Variants in STAT5B observed in about 807,000 individuals in gnomAD.
STAT5B encodes transcription factor STAT5B.
A neutral mutation model predicts 107.8 loss-of-function variants in STAT5B; 21 were observed. The ratio of observed to expected loss-of-function variants is 0.19; its 90% confidence interval spans 0.14 to 0.28. STAT5B has a LOEUF of 0.28. Ranked by LOEUF, STAT5B falls within the 10% of genes least tolerant of loss-of-function variation. The pLI is 1.00. For synonymous variants in STAT5B, 325 were observed against 401.7 expected, an observed-to-expected ratio of 0.81 and a Z score of 2.28; for missense variants, 565 against 1,008.2, an observed-to-expected ratio of 0.56 and a Z score of 5.95.
chr17:42,261,330 AAT>A (rs2080594714), intron 1 of STAT5B, among the ~76,000 whole-genome samples: 1 of 152,236 alleles, frequency 6.6e-6, no homozygotes, highest in Non-Finnish European at 1.5e-5. Context: ...CATATTGAAC[AAT>A]ATATGTTTAT....
At chr17:42,207,755 T>C in intron 15 of STAT5B, 27 bp from the exon 16 acceptor site, 1 of 1,613,156 alleles carries the variant, frequency 6.2e-7, no homozygotes, top group African/African-American at 1.3e-5. Flanking sequence ...AACAATCACA[T>C]TCTAAACATG....
the STAT5B span, chr17:42,287,429 G>A: frequency 2.6e-5 from 4 of 152,218 alleles, no homozygotes; most frequent in South Asian, 2.1e-4. Context: ...GCCAGGCAGA[G>A]GGGAGGCCCA....
chr17:42,202,486 G>A, intron 17 of STAT5B, 39 bp from the exon 18 acceptor site: 1 of 1,608,462 alleles, frequency 6.2e-7, no homozygotes, highest in Non-Finnish European at 8.5e-7. Flanking sequence ...CTGCCAGGGA[G>A]GCCAGGGCAG....
Position 42,218,482 on chromosome 17 carries a change from G to C in STAT5B, c.990-152C>G, listed in dbSNP as rs1480572962. On this transcript the variant is annotated intron_variant, in intron 8 of 18. Transcript: ENST00000293328. ...CTCTGTTCCTGGGGAAGCCGTGAGA[G>C]TCCAGGGAGAGGATGGAGAGGGGAG... 3 of 1,412,394 alleles carry C rather than the reference G, an allele frequency of 2.1e-6. No homozygotes were observed. The African/African-American group carries it at 4.3e-5, about 20-fold the overall frequency. 87.5% of individuals were successfully genotyped at this position (1,412,394 alleles called of 1,614,324 possible).
chr17:42,270,994 T>C (rs1598344351), intron 1 of STAT5B: 1 of 152,242 alleles, frequency 6.6e-6, no homozygotes, highest in East Asian at 1.9e-4. Flanking sequence ...GTTGGAACAT[T>C]TTCTCAAACT....
At position 42,249,721 on chromosome 17, in the gene STAT5B, C is replaced by T. The variant is rs541236249; in HGVS notation, c.-10-17584G>A. 1.3e-3 allele frequency among the ~76,000 whole-genome samples: 203 copies of T among 152,062 alleles called. 2 individuals are homozygous for T. The highest frequency in any genetic ancestry group is 1.2e-3 in the Non-Finnish European group (82 of 67,966). ...TGTCACCCATGCTGGAGTGCAGTGG[C>T]GTGATCTCAGCTCCCTGCAACCTCT... On this transcript the variant is annotated intron_variant, in intron 1 of 18. Coordinates refer to ENST00000293328, the MANE Select transcript of STAT5B (RefSeq NM_012448.4).
intron 1 of STAT5B, among the ~76,000 whole-genome samples, chr17:42,233,340 C>T (rs1026847720): frequency 1.3e-5 from 2 of 152,176 alleles, no homozygotes; most frequent in African/African-American, 2.4e-5. Flanking sequence ...GAAAAATGCC[C>T]GAAGGTTCAC....
rs1785500535 is a variant in STAT5B at position 42,205,257 on chromosome 17, C to T, written c.2077+2301G>A. ...TGTTGGCCAGGCTGGTCTCAAACTCCTGACCTCAAGTGATCCACCTGCCTT... is the reference window on the plus strand; with the variant it reads ...TGTTGGCCAGGCTGGTCTCAAACTCTTGACCTCAAGTGATCCACCTGCCTT... On this transcript the variant is annotated intron_variant, in intron 16 of 18. Coordinates refer to ENST00000293328, the MANE Select transcript of STAT5B (RefSeq NM_012448.4). 2.0e-5 allele frequency among the ~76,000 whole-genome samples: 3 copies of T among 152,086 alleles called. No individual in the cohort carries two copies. In the South Asian group the frequency reaches 6.2e-4, roughly 31 times the overall value.
intron 18 of STAT5B, chr17:42,202,098 T>C (rs2080049176): frequency 6.2e-6 from 4 of 641,698 alleles, no homozygotes; most frequent in South Asian, 5.8e-5. Context: ...ACTCAGTCCT[T>C]AGAGCAAGAA....
At chr17:42,279,985 G>C (rs2080789046), upstream of STAT5B, among the ~76,000 whole-genome samples, 1 of 152,044 alleles carries the variant, frequency 6.6e-6, no homozygotes, top group African/African-American at 2.4e-5. Context: ...TGTCATCCTG[G>C]GATGGGAAGG....
At chr17:42,202,015 T>C (rs1023619630) in intron 18 of STAT5B, 151 bp from the exon 19 acceptor site, 2 of 740,766 alleles carry the variant, frequency 2.7e-6, no homozygotes, top group Non-Finnish European at 4.6e-6. Context: ...AACAGCTGGC[T>C]GTACAGCAAC....
At chr17:42,222,111 G>C (rs951987248) in intron 5 of STAT5B, among the ~76,000 whole-genome samples, 1 of 144,238 alleles carries the variant, frequency 6.9e-6, no homozygotes, top group South Asian at 2.3e-4. Flanking sequence ...GTGTGTCTCT[G>C]TGTGCTGTGG....
chr17:42,276,400 T>TCCCGCCGGGG (rs1386129725), upstream of STAT5B: 2 of 146,148 alleles, frequency 1.4e-5, no homozygotes, highest in Non-Finnish European at 3.0e-5. This position sits in a 1 kb window ranked among gnomAD's most constrained non-coding sequence, Gnocchi z 4.8. Context: ...CCGACTCTCC[T>TCCCGCCGGGG]CCCGCCGGGG....
At chr17:42,221,993 T>C (rs2080231084) in intron 5 of STAT5B, among the ~76,000 whole-genome samples, 1 of 128,652 alleles carries the variant, frequency 7.8e-6, no homozygotes, top group African/African-American at 3.0e-5. Context: ...CTGTGTGTGG[T>C]GTGGTGTGTG....
At chr17:42,264,412 G>T (rs1484045657) in intron 1 of STAT5B, among the ~76,000 whole-genome samples, 1 of 135,390 alleles carries the variant, frequency 7.4e-6, no homozygotes, top group Non-Finnish European at 1.5e-5. Flanking sequence ...CTGTGTCCAT[G>T]TGTTCCCATT....
At chr17:42,221,960 GTGC>G (rs2080230288) in intron 5 of STAT5B, among the ~76,000 whole-genome samples, 1 of 147,908 alleles carries the variant, frequency 6.8e-6, no homozygotes, top group South Asian at 2.2e-4. Context: ...GTGTGTGTGT[GTGC>G]TATGTGTGGT....
chr17:42,226,763 G>A (rs563667699), intron 3 of STAT5B, among the ~76,000 whole-genome samples: 17 of 141,388 alleles, frequency 1.2e-4, no homozygotes, highest in African/African-American at 3.7e-4. Context: ...AGCCGAGACC[G>A]CGCCACTGCA....
At chr17:42,283,749 C>T in the STAT5B span, among the ~76,000 whole-genome samples, 1 of 152,232 alleles carries the variant, frequency 6.6e-6, no homozygotes, top group African/African-American at 2.4e-5. Context: ...CATATAAACA[C>T]ACACCCTCCC....
Position 42,200,133 on chromosome 17 carries a change from T to TA in STAT5B, c.*1604dup, listed in dbSNP as rs1340782612. ...ACCAAGCCAAGGCAAACGGCAGCTT[T>TA]AAAAAAGTCATCTTCCAATAAATAA... On this transcript the variant is annotated 3_prime_UTR_variant, in exon 19 of 19. Transcript: ENST00000293328. 1.3e-5 allele frequency: 2 copies of TA among 152,722 alleles called. No individual in the cohort carries two copies. The highest frequency in any genetic ancestry group is 1.5e-5 in the Non-Finnish European group (1 of 68,042). The allele number at this position is 152,722 out of a possible 1,614,324, so 9.5% of individuals were successfully genotyped here. A position where few individuals can be genotyped will look rare whatever the true frequency, so the allele number is the denominator to read the frequency against.
Sources: gnomAD v4.1 joint callset for allele counts (sites outside exome capture counted in the v4.1 genomes callset) on GRCh38, gnomAD v4.1.1 for gene constraint, Gnocchi (gnomAD v3.1) non-coding constraint, MANE v1.5 for transcripts, NCBI Gene and HGNC (gene_info 2026-07-23, HGNC 2026-07-21) for gene names.